Variants in PTPN1 observed in about 807,000 individuals in gnomAD.
PTPN1 encodes the protein protein tyrosine phosphatase non-receptor type 1, also known as tyrosine-protein phosphatase non-receptor type 1.
In PTPN1, 12 loss-of-function variants were observed where a neutral mutation model predicts 59.9. That is an observed-to-expected ratio of 0.20 (90% CI 0.13 to 0.32). The LOEUF (loss-of-function observed/expected upper bound fraction) is 0.32. PTPN1 is among the 10% of genes least tolerant of loss of function. The pLI, the probability that PTPN1 is intolerant of heterozygous loss-of-function variation, is 1.00. For missense variants in PTPN1, 356 were observed against 549.2 expected (o/e 0.65, Z 3.52); for synonymous variants, 178 against 203.6 (o/e 0.87, Z 1.07).
intron 1 of PTPN1, among the ~76,000 whole-genome samples, chr20:50,522,906 A>G (rs148835537): frequency 0.014 from 2,136 of 148,010 alleles, 41 homozygotes; most frequent in African/African-American, 0.051. Context: ...GGTGCCTGCC[A>G]CGATGCCCGG....
At chr20:50,565,208 A>G in intron 3 of PTPN1, 139 bp downstream of exon 3, 1 of 829,856 alleles carries the variant, frequency 1.2e-6, no homozygotes, top group Non-Finnish European at 1.8e-6. Flanking sequence ...AGGAAGGGGG[A>G]AAAATCATCC....
chr20:50,557,793 C>T (rs898470848), intron 1 of PTPN1: 1 of 152,248 alleles, frequency 6.6e-6, no homozygotes, highest in Non-Finnish European at 1.5e-5. Flanking sequence ...CCAACCTGGA[C>T]CAGTTCACCC....
intron 9 of PTPN1, 66 bp downstream of exon 9, chr20:50,581,526 G>T (rs1327639342): frequency 6.7e-7 from 1 of 1,498,830 alleles, no homozygotes; most frequent in African/African-American, 1.4e-5. Flanking sequence ...CCGCTAGCCC[G>T]ATGGTAGGAT....
At chr20:50,544,824 G>A (rs1601399378) in intron 1 of PTPN1, among the ~76,000 whole-genome samples, 1 of 152,158 alleles carries the variant, frequency 6.6e-6, no homozygotes, top group Non-Finnish European at 1.5e-5. Context: ...GGCCAACACA[G>A]TGAAACCCCG....
At chr20:50,567,434 A>T (rs897940407) in intron 3 of PTPN1, among the ~76,000 whole-genome samples, 1 of 152,144 alleles carries the variant, frequency 6.6e-6, no homozygotes, top group African/African-American at 2.4e-5. Flanking sequence ...CTCAAAAAAA[A>T]TTAAAAAAAA....
chr20:50,582,163 T>C lies in PTPN1; in HGVS notation c.1285-529T>C, dbSNP rs909996555. 1.3e-5 allele frequency among the ~76,000 whole-genome samples: 2 copies of C among 152,218 alleles called. No homozygotes were observed. Among genetic ancestry groups the C allele is most frequent in the Non-Finnish European group, 2.9e-5 (2 of 68,040 alleles). On this transcript the variant is annotated intron_variant, in intron 9 of 9. Transcript: ENST00000371621. This position sits in a 1 kb window ranked among gnomAD's most constrained non-coding sequence, Gnocchi z 4.2. Reference sequence around the variant, plus strand: ...GTTTCCATTGTCCTTTCTCCATTGCTCCCTCCTGTGACAGCCATCTTGCTC... The same window carrying C: ...GTTTCCATTGTCCTTTCTCCATTGCCCCCTCCTGTGACAGCCATCTTGCTC...
chr20:50,571,913 C>T (rs1317421347), intron 4 of PTPN1: 1 of 152,212 alleles, frequency 6.6e-6, no homozygotes, highest in Non-Finnish European at 1.5e-5. Context: ...CTTTCAGGTG[C>T]TTTCATGCAC....
chr20:50,565,202 AG>A, intron 3 of PTPN1, 133 bp downstream of exon 3: 1 of 888,258 alleles, frequency 1.1e-6, no homozygotes, highest in South Asian at 2.0e-5. Flanking sequence ...GCAGCAAGGA[AG>A]GGGGAAAAAT....
At chr20:50,526,633 G>A (rs1009732508) in intron 1 of PTPN1, among the ~76,000 whole-genome samples, 1 of 152,104 alleles carries the variant, frequency 6.6e-6, no homozygotes, top group Non-Finnish European at 1.5e-5. Flanking sequence ...CTGCTCTCTA[G>A]TTACAGCCTC....
chr20:50,526,358 GGT>G (rs2082575499), intron 1 of PTPN1, among the ~76,000 whole-genome samples: 1 of 152,106 alleles, frequency 6.6e-6, no homozygotes, highest in Non-Finnish European at 1.5e-5. Flanking sequence ...TGGGATTACA[GGT>G]GTGAGCCACC....
chr20:50,574,409 C>A, intron 4 of PTPN1, 108 bp from the exon 5 acceptor site: 1 of 1,170,710 alleles, frequency 8.5e-7, no homozygotes, highest in Non-Finnish European at 1.2e-6. Context: ...GTTCAGAAAC[C>A]CCCAGGCCTT....
chr20:50,518,842 C>T (rs1046195606), intron 1 of PTPN1, among the ~76,000 whole-genome samples: 3 of 152,152 alleles, frequency 2.0e-5, no homozygotes. Context: ...CAGGTTTATA[C>T]AAGCATAAAA....
At chr20:50,517,715 G>A (rs2082534990) in intron 1 of PTPN1, among the ~76,000 whole-genome samples, 1 of 152,168 alleles carries the variant, frequency 6.6e-6, no homozygotes, top group Non-Finnish European at 1.5e-5. Flanking sequence ...AGTAAACATG[G>A]CAAAGGGACA....
intron 1 of PTPN1, among the ~76,000 whole-genome samples, chr20:50,515,511 C>CA (rs1357132695): frequency 1.3e-5 from 2 of 152,144 alleles, no homozygotes; most frequent in Non-Finnish European, 2.9e-5. Flanking sequence ...AGGCTGGTCT[C>CA]AAACTCCTGG....
intron 1 of PTPN1, among the ~76,000 whole-genome samples, chr20:50,522,671 A>G (rs1450180074): frequency 2.6e-5 from 4 of 152,222 alleles, no homozygotes; most frequent in Non-Finnish European, 5.9e-5. Flanking sequence ...AGCAATAGAT[A>G]AGGATGATTC....
chr20:50,525,901 T>C (rs545087009), intron 1 of PTPN1, among the ~76,000 whole-genome samples: 1 of 152,112 alleles, frequency 6.6e-6, no homozygotes, highest in Non-Finnish European at 1.5e-5. Flanking sequence ...GTAGCCGTTA[T>C]ATGGCCACTG....
At chr20:50,519,385 A>G (rs1418647579) in intron 1 of PTPN1, among the ~76,000 whole-genome samples, 3 of 152,230 alleles carry the variant, frequency 2.0e-5, no homozygotes, top group Non-Finnish European at 4.4e-5. Flanking sequence ...ATATTTGTCA[A>G]CTAAACCTCA....
At chr20:50,551,675 GGA>G (rs1376870865) in intron 1 of PTPN1, among the ~76,000 whole-genome samples, 3 of 152,202 alleles carry the variant, frequency 2.0e-5, no homozygotes, top group African/African-American at 7.2e-5. Context: ...ACTGGGGGAA[GGA>G]GAGATCCGTA....
chr20:50,513,491 T>C lies in PTPN1; in HGVS notation c.63+2901T>C, dbSNP rs1044165829. ...TGGGTCCGGTGTTTTGCTTGTTTTC[T>C]CGTCTGTAAATTCTTTGATTCTCTG... On this transcript the variant is annotated intron_variant, in intron 1 of 9. Transcript: ENST00000371621. 4.6e-5 allele frequency among the ~76,000 whole-genome samples: 7 copies of C among 152,346 alleles called. No homozygotes were observed. In the East Asian group the frequency reaches 9.6e-4, roughly 21 times the overall value.
Sources: gnomAD v4.1 joint callset for allele counts (sites outside exome capture counted in the v4.1 genomes callset) on GRCh38, gnomAD v4.1.1 for gene constraint, Gnocchi (gnomAD v3.1) non-coding constraint, MANE v1.5 for transcripts, NCBI Gene and HGNC (gene_info 2026-07-23, HGNC 2026-07-21) for gene names.